The following HUWE1 variants were observed in gnomAD, a reference collection of about 807,000 sequenced individuals.
HUWE1 encodes the protein E3 ubiquitin-protein ligase HUWE1.
A neutral mutation model predicts 299.4 loss-of-function variants in HUWE1; 18 were observed. The ratio of observed to expected loss-of-function variants is 0.06; its 90% CI spans 0.04 to 0.09. The LOEUF is 0.09. Ranked by LOEUF, HUWE1 falls within the 10% of genes least tolerant of loss-of-function variation. The pLI is 1.00. For synonymous variants in HUWE1, 1,317 were observed against 1,286.1 expected (o/e 1.02, Z -0.51); for missense variants, 1,832 against 3,462.3 (o/e 0.53, Z 11.82).
chrX:53,551,187 T>C lies in HUWE1; in HGVS notation c.9099A>G (p.Val3033=), dbSNP rs782782089. The C allele has an allele frequency of 1.5e-5, 18 of 1,210,016 alleles. No individual in the cohort carries two copies. The South Asian group carries it at 2.5e-4, about 17-fold the overall frequency. The stretch of plus-strand genomic sequence containing the variant: ...GCTGCTCAGCTCTCTGCTGTGCCAG[T>C]ACCTATGGAGCAGAAAAAGTCAATG... ...AALPPAIQEE[V]LAQQRAEQQR... Residue 3033 remains valine, a splice_region_variant and synonymous_variant, in exon 65 of 84, where the codon GTA becomes GTG. Transcript: ENST00000262854.
chrX:53,666,819 T>C (rs1156664382), intron 3 of HUWE1, among the ~76,000 whole-genome samples: 2 of 112,066 alleles, frequency 1.8e-5, no homozygotes, highest in African/African-American at 6.5e-5. Context: ...ATCATATTTA[T>C]CTTTGCATTC....
At chrX:53,552,189 C>G (rs782234073) in intron 63 of HUWE1, 122 bp downstream of exon 63, 125 of 813,115 alleles carry the variant, frequency 1.5e-4, no homozygotes, top group Non-Finnish European at 2.3e-4. Flanking sequence ...CGCTTATTGT[C>G]AGTCCTCCCA....
intron 3 of HUWE1, among the ~76,000 whole-genome samples, chrX:53,672,962 A>G (rs1557049930): frequency 1.8e-5 from 2 of 112,128 alleles, no homozygotes; most frequent in Non-Finnish European, 3.8e-5. Context: ...TAAGCCATGT[A>G]TAATTCTACA....
chrX:53,535,214 T>C (rs940511934), intron 81 of HUWE1, among the ~76,000 whole-genome samples, 170 bp downstream of exon 81: 4 of 112,179 alleles, frequency 3.6e-5, no homozygotes, highest in African/African-American at 6.5e-5. Context: ...GGATTATAGG[T>C]GTGAGCCACC....
At chrX:53,647,669 TGACACCTA>T (rs1412685448) in intron 5 of HUWE1, 95 bp from the exon 6 acceptor site, 3 of 657,635 alleles carry the variant, frequency 4.6e-6, no homozygotes, top group Non-Finnish European at 7.6e-6. Flanking sequence ...TTGCTGAGCA[TGACACCTA>T]GACAAGTTCA....
In HUWE1 at chrX:53,631,630, A is replaced by G; in HGVS notation, c.646-16T>C. 1 of 1,147,966 alleles carries G rather than the reference A, an allele frequency of 8.7e-7. No homozygotes were observed. Among genetic ancestry groups the G allele is most frequent in the Non-Finnish European group, 1.2e-6 (1 of 838,678 alleles). The allele number at this position is 1,147,966 out of a possible 1,213,427, so 94.6% of individuals were successfully genotyped here. ...TACTAGTTGTCTAAAATTAAAAAAG[A>G]CAAGAGAGCTGTAAGGAGTCACTGA... On this transcript the variant is annotated splice_polypyrimidine_tract_variant and intron_variant, in intron 9 of 83. Coordinates refer to ENST00000262854, the MANE Select transcript of HUWE1 (RefSeq NM_031407.7).
At chrX:53,572,246 CACGAGA>C (rs1172913206) in intron 47 of HUWE1, among the ~76,000 whole-genome samples, 1 of 111,209 alleles carries the variant, frequency 9.0e-6, no homozygotes, top group African/African-American at 3.3e-5. Context: ...CAAATTACGG[CACGAGA>C]ACTCAAGATA....
At chrX:53,643,334 G>A (rs1279944728) in intron 7 of HUWE1, among the ~76,000 whole-genome samples, 16 of 110,723 alleles carry the variant, frequency 1.4e-4, no homozygotes, top group African/African-American at 5.3e-4. Flanking sequence ...CTGTGAATGG[G>A]GTCTTTTCAC....
chrX:53,640,309 GA>G (rs1180115802), intron 7 of HUWE1, among the ~76,000 whole-genome samples: 1 of 111,843 alleles, frequency 8.9e-6, no homozygotes, highest in Non-Finnish European at 1.9e-5. Context: ...GCAGTGAGCT[GA>G]TATCGTGCAA....
At chrX:53,579,716 A>C (rs1277221852) in intron 43 of HUWE1, 1 of 99,075 alleles carries the variant, frequency 1.0e-5, no homozygotes, top group Non-Finnish European at 2.0e-5. Flanking sequence ...GGGCGGTGCA[A>C]GATGTGCTTT....
intron 3 of HUWE1, among the ~76,000 whole-genome samples, chrX:53,667,506 A>G (rs2069306314): frequency 9.1e-6 from 1 of 109,487 alleles, no homozygotes; most frequent in Admixed American, 9.5e-5. Context: ...CCGTTTTATA[A>G]TAAATGTTCA....
rs2070051727 is a variant in HUWE1 at position 53,680,105 on chromosome X, C to T, written c.-81G>A. On this transcript the variant is annotated 5_prime_UTR_variant, in exon 3 of 84. Transcript: ENST00000262854. ...TGGGAAATTCCCCACACTGCTCCAA[C>T]AGCTTCCCGAACCTTCCTGACCAAG... The T allele has an allele frequency of 6.8e-6, 2 of 295,608 alleles. No individual in the cohort carries two copies. The highest frequency in any genetic ancestry group is 4.1e-4 in the South Asian group (2 of 4,877). The allele number at this position is 295,608 out of a possible 1,213,427, so 24.4% of individuals were successfully genotyped here. A position where few individuals can be genotyped will look rare whatever the true frequency, so the allele number is the denominator to read the frequency against.
intron 3 of HUWE1, among the ~76,000 whole-genome samples, chrX:53,661,136 G>T (rs967371383): frequency 9.3e-6 from 1 of 107,046 alleles, no homozygotes; most frequent in Non-Finnish European, 1.9e-5. Flanking sequence ...CCGGGTTCAC[G>T]CCATTCTCCT....
At chrX:53,579,515 G>A (rs1016385529) in intron 43 of HUWE1, among the ~76,000 whole-genome samples, 90 of 111,078 alleles carry the variant, frequency 8.1e-4, no homozygotes, top group Non-Finnish European at 1.2e-3. Flanking sequence ...AGGCGGGAAG[G>A]GTGGGGAAGA....
In HUWE1 at chrX:53,537,676, T is replaced by C; in HGVS notation, c.12017A>G (p.Glu4006Gly). ...VKRKYFRQELERLDEGLRKED... is the reference protein window; with the variant it reads ...VKRKYFRQELGRLDEGLRKED... Reference sequence around the variant, plus strand: ...TTTCCGGAGCCCCTCATCTAAACGCTCCAGCTCTTGGCGGAAATATCTTGG... The same window carrying C: ...TTTCCGGAGCCCCTCATCTAAACGCCCCAGCTCTTGGCGGAAATATCTTGG... The change falls in exon 78 of 84, where the codon GAG becomes GGG. Residue 4006 changes from glutamate to glycine, a missense_variant. Transcript: ENST00000262854. The C allele has an allele frequency of 8.3e-7, 1 of 1,209,087 alleles. No homozygotes were observed. The highest frequency in any genetic ancestry group is 1.1e-6 in the Non-Finnish European group (1 of 894,107).
intron 43 of HUWE1, among the ~76,000 whole-genome samples, chrX:53,579,054 C>T (rs1272238858): frequency 1.1e-5 from 1 of 87,471 alleles, no homozygotes; most frequent in Non-Finnish European, 2.3e-5. Flanking sequence ...GCCAGCCGCC[C>T]CGTCCGGGAG....
intron 15 of HUWE1, 109 bp downstream of exon 15, chrX:53,628,384 C>A: frequency 1.2e-6 from 1 of 847,514 alleles, no homozygotes. Context: ...TCTGGATAAG[C>A]TTTCTTATAT....
intron 43 of HUWE1, among the ~76,000 whole-genome samples, chrX:53,577,581 C>T (rs1357478287): frequency 8.9e-6 from 1 of 112,575 alleles, no homozygotes; most frequent in African/African-American, 3.2e-5. Context: ...CAAAGCTGGA[C>T]GGTACTGCTG....
intron 71 of HUWE1, 90 bp from the exon 72 acceptor site, chrX:53,544,852 G>T: frequency 2.1e-6 from 2 of 941,490 alleles, no homozygotes; most frequent in Non-Finnish European, 1.5e-6. Flanking sequence ...CAACCAGAGG[G>T]GTAAGGAAAC....
Sources: gnomAD v4.1 joint callset for allele counts (sites outside exome capture counted in the v4.1 genomes callset) on GRCh38, gnomAD v4.1.1 for gene constraint, MANE v1.5 for transcripts, NCBI Gene and HGNC (gene_info 2026-07-23, HGNC 2026-07-21) for gene names.